The following EXOSC10 variants were observed in gnomAD, a reference collection of about 807,000 sequenced individuals.
EXOSC10 encodes exosome complex component 10.
A neutral mutation model predicts 126.6 loss-of-function variants in EXOSC10; 94 were observed. The ratio of observed to expected loss-of-function variants is 0.74; its 90% CI spans 0.63 to 0.88. The LOEUF is 0.88. EXOSC10 is among the 40% of genes least tolerant of loss of function. EXOSC10 has a pLI of 0.00. For synonymous variants in EXOSC10, 395 were observed against 400.8 expected (o/e 0.99, Z 0.17); for missense variants, 1,041 against 1,100.5 (o/e 0.95, Z 0.77).
At chr1:11,077,153 G>T in intron 16 of EXOSC10, 1 of 623,302 alleles carries the variant, frequency 1.6e-6, no homozygotes, top group Non-Finnish European at 2.8e-6. Flanking sequence ...CACCATGCCA[G>T]CTAATTTTTG....
intron 2 of EXOSC10, among the ~76,000 whole-genome samples, chr1:11,096,905 C>A (rs1032727442): frequency 4.0e-5 from 6 of 151,104 alleles, no homozygotes; most frequent in African/African-American, 1.5e-4. Flanking sequence ...TGGTGAAACC[C>A]CATCTCTACT....
At chr1:11,081,632 G>A (rs769639321) in intron 10 of EXOSC10, among the ~76,000 whole-genome samples, 1 of 152,240 alleles carries the variant, frequency 6.6e-6, no homozygotes, top group Non-Finnish European at 1.5e-5. Flanking sequence ...AGGCTGTTGT[G>A]AGGACTACAC....
Position 11,081,097 on chromosome 1 carries a change from C to T in EXOSC10, c.1422G>A (p.Arg474=). The T allele has an allele frequency of 1.9e-6, 3 of 1,614,184 alleles. No homozygotes were observed. Among genetic ancestry groups the T allele is most frequent in the Non-Finnish European group, 2.5e-6 (3 of 1,180,030 alleles). ...VQLQVVWQRS[R]DICLKKFIKP... ...TGAGGTGTACCTTGAGGCAGATGTC[C>T]CTGCTCCGTTGCCACACCACCTGCA... The change falls in exon 11 of 25, where the codon AGG becomes AGA. Residue 474 remains arginine, a synonymous_variant. Coordinates refer to ENST00000376936, the MANE Select transcript of EXOSC10 (RefSeq NM_001001998.3).
At position 11,069,745 on chromosome 1, in the gene EXOSC10, C is replaced by T; in HGVS notation, c.2317-15G>A. On this transcript the variant is annotated splice_polypyrimidine_tract_variant and intron_variant, in intron 21 of 24. Transcript: ENST00000376936. ...GCATTTTCTAGCTGTAGATCAGGAA[C>T]AGATGTGGGGGAGGAACAGGGAGGC... 2 of 1,607,876 alleles carry T rather than the reference C, an allele frequency of 1.2e-6. No homozygotes were observed. Among genetic ancestry groups the T allele is most frequent in the South Asian group, 1.1e-5 (1 of 90,840 alleles).
At chr1:11,097,218 AC>A (rs1641154886) in intron 2 of EXOSC10, among the ~76,000 whole-genome samples, 1 of 150,970 alleles carries the variant, frequency 6.6e-6, no homozygotes, top group Admixed American at 6.6e-5. Flanking sequence ...CTCCCCCCCA[AC>A]AAAAAAAAAA....
chr1:11,091,117 G>A lies in EXOSC10; in HGVS notation c.540C>T (p.Ile180=), dbSNP rs924277362. The change falls in exon 5 of 25, where the codon ATC becomes ATT. Residue 180 remains isoleucine (I), a synonymous_variant. Coordinates refer to ENST00000376936, the MANE Select transcript of EXOSC10 (RefSeq NM_001001998.3). Reference sequence around the variant, plus strand: ...CTCGAAACTTGAGCTGAGGTCGGATGATATTTTTTGCATGAAGCAGCCGGA... The same window carrying A: ...CTCGAAACTTGAGCTGAGGTCGGATAATATTTTTTGCATGAAGCAGCCGGA... ...ETFRLLHAKN[I]IRPQLKFREK... is the part of the protein sequence containing the mutation. 2 of 1,614,084 alleles carry A rather than the reference G, an allele frequency of 1.2e-6. No individual in the cohort carries two copies. The highest frequency in any genetic ancestry group is 1.7e-5 in the Admixed American group (1 of 59,986).
At position 11,076,848 on chromosome 1, in the gene EXOSC10, T is replaced by C. The variant is rs777489759; in HGVS notation, c.1980A>G (p.Leu660=). Residue 660 remains leucine (L), a synonymous_variant, in exon 17 of 25, where the codon TTA becomes TTG. Coordinates refer to ENST00000376936, the MANE Select transcript of EXOSC10 (RefSeq NM_001001998.3). The stretch of plus-strand genomic sequence containing the variant: ...AAGTTTCTGTGCTACTCACATTAAA[T>C]AACGTGATGACAGCTGTGGCAATCA... ...TCLIATAVIT[L]FNEPSAEDSK... 1 of 1,611,832 alleles carries C rather than the reference T, an allele frequency of 6.2e-7. No individual in the cohort carries two copies. The highest frequency in any genetic ancestry group is 1.1e-5 in the South Asian group (1 of 91,056).
intron 23 of EXOSC10, 66 bp from the exon 24 acceptor site, chr1:11,068,150 A>C: frequency 7.6e-7 from 1 of 1,317,754 alleles, no homozygotes; most frequent in Admixed American, 1.7e-5. Flanking sequence ...AGAAAAACAC[A>C]CCTGAGCTCA....
At chr1:11,074,043 G>T in intron 18 of EXOSC10, 35 bp from the exon 19 acceptor site, 1 of 1,593,528 alleles carries the variant, frequency 6.3e-7, no homozygotes, top group Non-Finnish European at 8.6e-7. Flanking sequence ...AAACGCTGCC[G>T]GGAACGGAAT....
chr1:11,071,901 A>G lies in EXOSC10; in HGVS notation c.2242+186T>C. Reference sequence around the variant, plus strand: ...AGCTACAGCACCTCCAGCACTCCCCACCAATCTCTCTGCACAGCACCTGCT... The same window carrying G: ...AGCTACAGCACCTCCAGCACTCCCCGCCAATCTCTCTGCACAGCACCTGCT... On this transcript the variant is annotated intron_variant, in intron 20 of 24. Transcript: ENST00000376936. The G allele has an allele frequency of 5.6e-6, 3 of 539,530 alleles. No individual in the cohort carries two copies. The South Asian group carries it at 7.6e-5, about 14-fold the overall frequency. The allele number at this position is 539,530 out of a possible 1,614,324, so 33.4% of individuals were successfully genotyped here.
chr1:11,090,829 G>A (rs891179444), intron 5 of EXOSC10, among the ~76,000 whole-genome samples, 161 bp from the exon 6 acceptor site: 9 of 152,026 alleles, frequency 5.9e-5, no homozygotes, highest in Admixed American at 5.9e-4. Flanking sequence ...ACAGCTCACT[G>A]TAGCCTTGAC....
intron 3 of EXOSC10, among the ~76,000 whole-genome samples, chr1:11,094,258 G>A (rs1640947806): frequency 6.6e-6 from 1 of 150,776 alleles, no homozygotes; most frequent in Non-Finnish European, 1.5e-5. Flanking sequence ...GATTACAGGA[G>A]TGAGCCACTG....
Position 11,077,440 on chromosome 1 carries a change from ATC to A in EXOSC10, c.1802_1803del (p.Arg601IlefsTer39), listed in dbSNP as rs757859493. ...KKSGPLPSAE[R>X]LENVLFGPHD... Reference sequence around the variant, plus strand: ...TGAGGTCCAAAGAGAACATTCTCCAATCTCTGCATTAAAAGACACCAGCAGGC... The same window carrying A: ...TGAGGTCCAAAGAGAACATTCTCCAATCTGCATTAAAAGACACCAGCAGGC... On this transcript the variant is annotated frameshift_variant and splice_region_variant, in exon 16 of 25. Transcript: ENST00000376936. LOFTEE classifies it high-confidence loss of function. 2.5e-6 allele frequency: 4 copies of A among 1,613,656 alleles called. No homozygotes were observed. The African/African-American group carries it at 5.3e-5, about 22-fold the overall frequency.
At chr1:11,067,262 T>A (rs1035900267) in intron 24 of EXOSC10, among the ~76,000 whole-genome samples, 1 of 151,894 alleles carries the variant, frequency 6.6e-6, no homozygotes, top group Non-Finnish European at 1.5e-5. Flanking sequence ...AAACCCCGTC[T>A]CTACTAAAAA....
chr1:11,068,110 C>T (rs898836986), intron 23 of EXOSC10, 26 bp from the exon 24 acceptor site: 28 of 1,602,922 alleles, frequency 1.7e-5, no homozygotes, highest in Non-Finnish European at 2.3e-5. Context: ...ACCGTTTAAG[C>T]TGGGTGGGCA....
chr1:11,081,676 T>C (rs142533100), intron 10 of EXOSC10, among the ~76,000 whole-genome samples: 75 of 152,364 alleles, frequency 4.9e-4, no homozygotes, highest in Middle Eastern at 3.4e-3. Flanking sequence ...AGCCCAGAGC[T>C]TGGCACAGGG....
rs562172730 is a variant in EXOSC10 at position 11,080,404 on chromosome 1, G to C, written c.1637+95C>G. On this transcript the variant is annotated intron_variant, in intron 13 of 24. Transcript: ENST00000376936. ...GCTTGGAGCATTAATCTCTGAGTAA[G>C]CAGCCTTGGGTAATAGCAACCAGAA... 7.4e-5 allele frequency: 107 copies of C among 1,445,816 alleles called. 1 individual carries two copies. The South Asian group carries it at 1.2e-3, about 16-fold the overall frequency. 89.6% of individuals were successfully genotyped at this position (1,445,816 alleles called of 1,614,324 possible). A position where few individuals can be genotyped will look rare whatever the true frequency, so the allele number is the denominator to read the frequency against.
intron 17 of EXOSC10, among the ~76,000 whole-genome samples, chr1:11,076,278 G>T (rs1247299399): frequency 2.0e-5 from 3 of 152,048 alleles, no homozygotes; most frequent in Admixed American, 2.0e-4. Flanking sequence ...AGCCTCAGAA[G>T]TCAAGGCTGC....
rs1640117868 is a variant in EXOSC10, at chr1:11,080,749, C to T, written c.1586+15G>A. On this transcript the variant is annotated intron_variant, in intron 12 of 24. Coordinates refer to ENST00000376936, the MANE Select transcript of EXOSC10 (RefSeq NM_001001998.3). ...AGTCTGGAAACAAGTATTAAAAGAA[C>T]CTCTAATCCCTTACCCGTAACTTTC... The T allele has an allele frequency of 1.9e-6, 3 of 1,613,846 alleles. No individual in the cohort carries two copies. Among genetic ancestry groups the T allele is most frequent in the Admixed American group, 1.7e-5 (1 of 59,952 alleles).
Sources: allele counts gnomAD v4.1 joint callset (sites outside exome capture counted in the v4.1 genomes callset), GRCh38; gene constraint gnomAD v4.1.1; transcripts MANE v1.5; gene names NCBI Gene and HGNC (gene_info 2026-07-23, HGNC 2026-07-21).